The following OTUD7A variants were observed in gnomAD, a reference collection of about 807,000 sequenced individuals.
OTUD7A encodes the protein OTU deubiquitinase 7A.
Under a neutral mutation model 65.7 loss-of-function variants are expected in OTUD7A, and 12 were observed. The observed-to-expected ratio is 0.18, with a 90% CI of 0.12 to 0.30. OTUD7A has a LOEUF of 0.30. Ranked by LOEUF, OTUD7A falls within the 10% of genes least tolerant of loss-of-function variation. The pLI, the probability that OTUD7A is intolerant of heterozygous loss-of-function variation, is 1.00. For synonymous variants in OTUD7A, 641 were observed against 586.3 expected (o/e 1.09, Z -1.35); for missense variants, 1,148 against 1,304.8 (o/e 0.88, Z 1.85).
At chr15:31,636,014 T>C (rs1291552525) in intron 3 of OTUD7A, among the ~76,000 whole-genome samples, 1 of 152,254 alleles carries the variant, frequency 6.6e-6, no homozygotes, top group Non-Finnish European at 1.5e-5. Context: ...TCAGTCCTTT[T>C]AAAAATTTAA....
Position 31,717,902 on chromosome 15 carries a change from G to A in OTUD7A, c.-99-60825C>T, listed in dbSNP as rs1226433863. Among the ~76,000 whole-genome samples, 4 of 152,332 alleles carry A rather than the reference G, an allele frequency of 2.6e-5. No individual in the cohort carries two copies. The East Asian group carries it at 7.7e-4, about 29-fold the overall frequency. On this transcript the variant is annotated intron_variant, in intron 1 of 12. Coordinates refer to ENST00000307050, the MANE Select transcript of OTUD7A (RefSeq NM_001382637.1). ...TTTCTCCAAATCCTCTCCAGCGTCT[G>A]TTGTTTCCTGACTTTTTAATGATCA...
rs542722833 is a variant in OTUD7A at position 31,776,080 on chromosome 15, C to G, written c.-100+94427G>C. Reference sequence around the variant, plus strand: ...ACGCAGCCACCTGCACCTGTCCACACACTGCAGAGGCGCCCCGTCATTGTG... The same window carrying G: ...ACGCAGCCACCTGCACCTGTCCACAGACTGCAGAGGCGCCCCGTCATTGTG... On this transcript the variant is annotated intron_variant, in intron 1 of 12. Coordinates refer to ENST00000307050, the MANE Select transcript of OTUD7A (RefSeq NM_001382637.1). 2.0e-4 allele frequency among the ~76,000 whole-genome samples: 30 copies of G among 152,346 alleles called. No individual in the cohort carries two copies. In the South Asian group the frequency reaches 5.0e-3, roughly 25 times the overall value.
At chr15:31,745,167 A>G (rs1435336391) in intron 1 of OTUD7A, among the ~76,000 whole-genome samples, 1 of 152,144 alleles carries the variant, frequency 6.6e-6, no homozygotes, top group East Asian at 1.9e-4. Context: ...TAAAAATCCC[A>G]GTAGGCCTTT....
chr15:31,561,055 TAC>T (rs1328721439), intron 4 of OTUD7A, among the ~76,000 whole-genome samples: 3 of 152,284 alleles, frequency 2.0e-5, no homozygotes, highest in Non-Finnish European at 4.4e-5. Flanking sequence ...TTAAAATGAA[TAC>T]AGAGTCACAG....
At chr15:31,746,609 GC>G (rs1894486564) in intron 1 of OTUD7A, among the ~76,000 whole-genome samples, 1 of 150,868 alleles carries the variant, frequency 6.6e-6, no homozygotes, top group Non-Finnish European at 1.5e-5. Flanking sequence ...TGATTCTCCT[GC>G]CTCAGCCTCC....
chr15:31,625,744 C>A (rs1340945269), intron 3 of OTUD7A, among the ~76,000 whole-genome samples: 1 of 151,942 alleles, frequency 6.6e-6, no homozygotes, highest in African/African-American at 2.4e-5. Context: ...GTAGCCAAAG[C>A]CAGAAACCAC....
intron 8 of OTUD7A, among the ~76,000 whole-genome samples, chr15:31,518,406 G>A (rs2041891436): frequency 6.6e-6 from 1 of 152,068 alleles, no homozygotes; most frequent in African/African-American, 2.4e-5. Context: ...CCAGGAGGTG[G>A]AGGTTGCAGT....
chr15:31,631,993 G>GT (rs1287873939), intron 3 of OTUD7A, among the ~76,000 whole-genome samples: 6 of 148,140 alleles, frequency 4.1e-5, no homozygotes, highest in South Asian at 4.3e-4. Flanking sequence ...CATTCATCTA[G>GT]TTTTTTTTCA....
rs1429097991 is a variant in OTUD7A at position 31,530,562 on chromosome 15, C to G, written c.652+145G>C. Reference sequence around the variant, plus strand: ...GAAGGGCCAGGATTGTTGGCTCTGTCTCCTGGGGACTTTCTCATGACAGTG... The same window carrying G: ...GAAGGGCCAGGATTGTTGGCTCTGTGTCCTGGGGACTTTCTCATGACAGTG... On this transcript the variant is annotated intron_variant, in intron 6 of 12. Coordinates refer to ENST00000307050, the MANE Select transcript of OTUD7A (RefSeq NM_001382637.1). 12 of 679,298 alleles carry G rather than the reference C, an allele frequency of 1.8e-5. No homozygotes were observed. In the East Asian group the frequency reaches 3.6e-4, roughly 20 times the overall value. The allele number at this position is 679,298 out of a possible 1,614,324, so 42.1% of individuals were successfully genotyped here. A position where few individuals can be genotyped will look rare whatever the true frequency, so the allele number is the denominator to read the frequency against.
chr15:31,559,417 A>G (rs1462911594), intron 4 of OTUD7A, among the ~76,000 whole-genome samples: 1 of 152,192 alleles, frequency 6.6e-6, no homozygotes, highest in Non-Finnish European at 1.5e-5. Context: ...ATGCGCACAT[A>G]CATATACATG....
chr15:31,800,499 G>A (rs1350905486), intron 1 of OTUD7A, among the ~76,000 whole-genome samples: 1 of 152,166 alleles, frequency 6.6e-6, no homozygotes, highest in African/African-American at 2.4e-5. Flanking sequence ...AGGATGCTGT[G>A]GGGCCATCAG....
At chr15:31,860,136 T>G (rs900003852) in intron 1 of OTUD7A, among the ~76,000 whole-genome samples, 11 of 152,194 alleles carry the variant, frequency 7.2e-5, no homozygotes, top group Admixed American at 2.0e-4. Flanking sequence ...CTAATTTATT[T>G]CATTCTTAAA....
intron 3 of OTUD7A, among the ~76,000 whole-genome samples, chr15:31,610,033 T>A (rs1156954514): frequency 6.6e-6 from 1 of 151,538 alleles, no homozygotes; most frequent in Non-Finnish European, 1.5e-5. Flanking sequence ...GAACACCCTG[T>A]GGGACAAAAG....
At chr15:31,589,250 C>T (rs1162560953) in intron 3 of OTUD7A, among the ~76,000 whole-genome samples, 1 of 151,532 alleles carries the variant, frequency 6.6e-6, no homozygotes, top group Admixed American at 6.6e-5. Context: ...TTGGGATTCT[C>T]TTTAAAGAGT....
At chr15:31,745,563 T>C (rs181427390) in intron 1 of OTUD7A, among the ~76,000 whole-genome samples, 2 of 152,258 alleles carry the variant, frequency 1.3e-5, no homozygotes, top group East Asian at 1.9e-4. Flanking sequence ...AAACTAAACA[T>C]TAAACCTACA....
At chr15:31,862,807 C>A (rs1468715958) in intron 1 of OTUD7A, among the ~76,000 whole-genome samples, 1 of 152,174 alleles carries the variant, frequency 6.6e-6, no homozygotes, top group Non-Finnish European at 1.5e-5. Context: ...CCAATTGTGC[C>A]TTCCCAACAG....
intron 1 of OTUD7A, among the ~76,000 whole-genome samples, chr15:31,736,204 A>C (rs1217336610): frequency 6.6e-6 from 1 of 152,162 alleles, no homozygotes; most frequent in Non-Finnish European, 1.5e-5. Flanking sequence ...CCTGAACTTA[A>C]AAGTTATAAA....
intron 1 of OTUD7A, among the ~76,000 whole-genome samples, chr15:31,670,714 G>A (rs1217804377): frequency 3.9e-5 from 6 of 152,178 alleles, no homozygotes; most frequent in East Asian, 1.9e-4. Context: ...TCTCCCGGCC[G>A]GGCGCGGTGG....
chr15:31,627,086 T>C (rs1890981488), intron 3 of OTUD7A, among the ~76,000 whole-genome samples: 1 of 152,054 alleles, frequency 6.6e-6, no homozygotes, highest in Non-Finnish European at 1.5e-5. Context: ...CTATGGCAAC[T>C]TCTTTTATTA....
Sources: gnomAD v4.1 joint callset for allele counts (sites outside exome capture counted in the v4.1 genomes callset) on GRCh38, gnomAD v4.1.1 for gene constraint, MANE v1.5 for transcripts, NCBI Gene and HGNC (gene_info 2026-07-23, HGNC 2026-07-21) for gene names.